DTD1: variants seen among roughly 807,000 people sequenced by gnomAD.
The protein encoded by DTD1 is D-aminoacyl-tRNA deacylase 1.
Under a neutral mutation model 25.6 loss-of-function variants are expected in DTD1, and 13 were observed. That is an observed-to-expected ratio of 0.51 (90% confidence interval 0.33 to 0.81). DTD1 has a LOEUF of 0.81. Ranked by LOEUF, DTD1 falls within the 30% of genes least tolerant of loss-of-function variation. The pLI is 0.02. For synonymous variants in DTD1, 110 were observed against 103.6 expected, an observed-to-expected ratio of 1.06 and a Z score of -0.37; for missense variants, 193 against 266.4, an observed-to-expected ratio of 0.72 and a Z score of 1.92.
intron 3 of DTD1, among the ~76,000 whole-genome samples, chr20:18,623,880 G>C (rs1380251750): frequency 1.3e-5 from 2 of 148,264 alleles, no homozygotes; most frequent in East Asian, 3.9e-4. Flanking sequence ...AGAACTGTGT[G>C]TGTGTGTGTG....
At chr20:18,684,626 C>T (rs941614813) in intron 4 of DTD1, among the ~76,000 whole-genome samples, 5 of 152,090 alleles carry the variant, frequency 3.3e-5, no homozygotes, top group African/African-American at 1.2e-4. Flanking sequence ...TTTATGGCTC[C>T]AGAAGCTTCT....
At chr20:18,714,910 T>G (rs1940133548) in intron 4 of DTD1, among the ~76,000 whole-genome samples, 1 of 152,208 alleles carries the variant, frequency 6.6e-6, no homozygotes. Flanking sequence ...CGCCTGTGTT[T>G]GGTGATATGA....
At chr20:18,747,000 A>C (rs1230583459) in intron 5 of DTD1, among the ~76,000 whole-genome samples, 1 of 152,198 alleles carries the variant, frequency 6.6e-6, no homozygotes, top group Non-Finnish European at 1.5e-5. Context: ...AAGGGACGTC[A>C]CATAAAACTT....
At chr20:18,662,533 A>AT (rs2060915364) in intron 4 of DTD1, among the ~76,000 whole-genome samples, 1 of 152,232 alleles carries the variant, frequency 6.6e-6, no homozygotes, top group Non-Finnish European at 1.5e-5. Context: ...CCAGAAGCAC[A>AT]TACACATGTG....
chr20:18,748,858 C>T (rs1419464170), intron 5 of DTD1, among the ~76,000 whole-genome samples: 3 of 152,120 alleles, frequency 2.0e-5, no homozygotes, highest in South Asian at 4.1e-4. Context: ...TTGTGAATCA[C>T]CCAAATAGGG....
intron 4 of DTD1, among the ~76,000 whole-genome samples, chr20:18,706,902 T>A (rs1233765369): frequency 2.0e-5 from 3 of 152,270 alleles, no homozygotes; most frequent in Non-Finnish European, 4.4e-5. Context: ...TTTAATTGAA[T>A]GTTTCGGAAT....
At chr20:18,708,285 TTA>T (rs370394388) in intron 4 of DTD1, among the ~76,000 whole-genome samples, 10,168 of 35,430 alleles carry the variant, frequency 0.29, 2,015 homozygotes, top group South Asian at 0.43. Context: ...ATAATATATA[TTA>T]TATATATATA....
intron 3 of DTD1, 146 bp from the exon 4 acceptor site, chr20:18,627,981 G>A (rs2060766255): frequency 1.6e-6 from 1 of 633,168 alleles, no homozygotes; most frequent in Non-Finnish European, 2.7e-6. Flanking sequence ...GAGGAACTGT[G>A]AGTCCGTTAA....
intron 4 of DTD1, among the ~76,000 whole-genome samples, chr20:18,702,433 G>T (rs2061109153): frequency 6.6e-6 from 1 of 152,150 alleles, no homozygotes; most frequent in South Asian, 2.1e-4. Context: ...AGAATTAACT[G>T]GGGAAGTTGG....
chr20:18,753,242 A>G (rs935225701), intron 5 of DTD1, among the ~76,000 whole-genome samples: 2 of 152,218 alleles, frequency 1.3e-5, no homozygotes, highest in African/African-American at 4.8e-5. Context: ...AGAAAATTCA[A>G]CTAAACAGCA....
intron 4 of DTD1, among the ~76,000 whole-genome samples, chr20:18,733,973 A>T (rs2122508500): frequency 6.6e-6 from 1 of 152,386 alleles, no homozygotes; most frequent in South Asian, 2.1e-4. Context: ...TTTCCATTAC[A>T]CAAGGACATT....
chr20:18,735,400 A>G (rs140651542), intron 4 of DTD1, among the ~76,000 whole-genome samples: 2 of 152,246 alleles, frequency 1.3e-5, no homozygotes, highest in Non-Finnish European at 2.9e-5. Context: ...AACCAGGTCA[A>G]CTGAAGGCTT....
intron 4 of DTD1, among the ~76,000 whole-genome samples, chr20:18,673,047 A>G (rs2122392853): frequency 6.6e-6 from 1 of 152,338 alleles, no homozygotes; most frequent in Non-Finnish European, 1.5e-5. Context: ...GTAACTGTTT[A>G]TCGAATTAGT....
In DTD1 at chr20:18,631,702, G is replaced by A. The variant is rs145512884; in HGVS notation, c.477+3469G>A. 45 of 985,378 alleles carry A rather than the reference G, an allele frequency of 4.6e-5. No individual in the cohort carries two copies. In the East Asian group the frequency reaches 7.9e-4, roughly 17 times the overall value. The allele number at this position is 985,378 out of a possible 1,614,324, so 61.0% of individuals were successfully genotyped here. ...TGGCTGGAGCCTTGTTTCCCAGGAC[G>A]TCATTCTCTCTGGGTTTTTGTCTTG... On this transcript the variant is annotated intron_variant, in intron 4 of 5. Transcript: ENST00000377452.
chr20:18,629,184 C>T (rs956600237), intron 4 of DTD1, among the ~76,000 whole-genome samples: 1 of 151,220 alleles, frequency 6.6e-6, no homozygotes, highest in African/African-American at 2.4e-5. Flanking sequence ...TTAGTAGAGA[C>T]GGGGTTTCTC....
intron 4 of DTD1, among the ~76,000 whole-genome samples, chr20:18,667,201 A>G (rs1438915424): frequency 6.6e-6 from 1 of 152,230 alleles, no homozygotes; most frequent in Non-Finnish European, 1.5e-5. Flanking sequence ...CACCTAGCCC[A>G]TCAGATGGCA....
In DTD1 at chr20:18,761,568, C is replaced by A. The variant is rs547015096; in HGVS notation, c.*20-1792C>A. The stretch of plus-strand genomic sequence containing the variant: ...AGCTTTATAATTTCCATCTGCACAT[C>A]AAATATTTGAAGACTAAATTATCCC... On this transcript the variant is annotated intron_variant, in intron 5 of 5. Coordinates refer to ENST00000377452, the MANE Select transcript of DTD1 (RefSeq NM_080820.6). Among the ~76,000 whole-genome samples the A allele has an allele frequency of 1.3e-3, 195 of 152,130 alleles. 1 individual carries two copies. Among genetic ancestry groups the A allele is most frequent in the African/African-American group, 4.6e-3 (191 of 41,528 alleles).
intron 5 of DTD1, among the ~76,000 whole-genome samples, chr20:18,755,242 T>C (rs1189941563): frequency 6.6e-6 from 1 of 152,162 alleles, no homozygotes; most frequent in Non-Finnish European, 1.5e-5. Context: ...AAAATAAAAG[T>C]CATCTGCCAC....
chr20:18,747,194 T>C (rs929077456), intron 5 of DTD1, among the ~76,000 whole-genome samples: 6 of 152,206 alleles, frequency 3.9e-5, no homozygotes, highest in Non-Finnish European at 7.3e-5. Flanking sequence ...TCAGTTGTGC[T>C]AGTTAAATGG....
Sources: allele counts gnomAD v4.1 joint callset (sites outside exome capture counted in the v4.1 genomes callset), GRCh38; gene constraint gnomAD v4.1.1; transcripts MANE v1.5; gene names NCBI Gene and HGNC (gene_info 2026-07-23, HGNC 2026-07-21).